The following MCM9 variants were observed in gnomAD, a reference collection of about 807,000 sequenced individuals.
MCM9 encodes the protein minichromosome maintenance 9 homologous recombination repair factor.
A neutral mutation model predicts 72.8 loss-of-function variants in MCM9; 55 were observed. The observed-to-expected ratio is 0.76, with a 90% CI of 0.61 to 0.95. MCM9 has a LOEUF of 0.95. Ranked by LOEUF, MCM9 falls within the 40% of genes least tolerant of loss-of-function variation. The pLI, the probability that MCM9 is intolerant of heterozygous loss-of-function variation, is 0.00. For synonymous variants in MCM9, 480 were observed against 503.4 expected (o/e 0.95, Z 0.62); for missense variants, 1,279 against 1,377.0 (o/e 0.93, Z 1.13).
intron 8 of MCM9, among the ~76,000 whole-genome samples, chr6:118,861,751 A>G (rs1776920888): frequency 6.6e-6 from 1 of 152,154 alleles, no homozygotes; most frequent in Admixed American, 6.5e-5. Context: ...GGACCTGGAA[A>G]AAGCACCATA....
chr6:118,837,596 T>G lies in MCM9; in HGVS notation c.1326-8346A>C, dbSNP rs556185076. On this transcript the variant is annotated intron_variant, in intron 9 of 13. Coordinates refer to ENST00000619706, the MANE Select transcript of MCM9 (RefSeq NM_017696.3). ...ATTCAGGATAGTTAGGTCTTCTTGT[T>G]GCATTGATCCCTTTACCATTATGTA... 1.6e-4 allele frequency among the ~76,000 whole-genome samples: 25 copies of G among 152,346 alleles called. No homozygotes were observed. The South Asian group carries it at 5.2e-3, about 32-fold the overall frequency.
At chr6:118,908,243 A>C (rs1349504622) in intron 8 of MCM9, 1 of 152,162 alleles carries the variant, frequency 6.6e-6, no homozygotes, top group Middle Eastern at 3.2e-3. Flanking sequence ...CTAATTGTTA[A>C]TAAGGTCCCC....
intron 8 of MCM9, among the ~76,000 whole-genome samples, chr6:118,858,683 T>C (rs1031834444): frequency 1.3e-5 from 2 of 152,162 alleles, no homozygotes; most frequent in East Asian, 3.9e-4. Context: ...AGTCAACATA[T>C]GGAATATCTG....
At chr6:118,856,575 T>C in intron 8 of MCM9, 30 bp from the exon 9 acceptor site, 1 of 1,534,378 alleles carries the variant, frequency 6.5e-7, no homozygotes, top group Admixed American at 2.0e-5. Context: ...ATATCAACTT[T>C]TATTTTCAAA....
chr6:118,902,574 G>T, intron 8 of MCM9, among the ~76,000 whole-genome samples: 1 of 121,298 alleles, frequency 8.2e-6, no homozygotes. Flanking sequence ...ACAAATAAAT[G>T]CCTTGTTATT....
At chr6:118,840,735 C>A (rs544711618) in intron 9 of MCM9, among the ~76,000 whole-genome samples, 3 of 100,904 alleles carry the variant, frequency 3.0e-5, no homozygotes, top group East Asian at 3.5e-4. Context: ...TCTCTCCTCC[C>A]CCCCCCCTTT....
intron 8 of MCM9, among the ~76,000 whole-genome samples, chr6:118,867,727 T>C (rs1296670622): frequency 6.6e-6 from 1 of 152,118 alleles, no homozygotes; most frequent in Non-Finnish European, 1.5e-5. Flanking sequence ...ATACACTCAA[T>C]GATGTTCATA....
chr6:118,832,991 A>T (rs1189885500), intron 9 of MCM9, among the ~76,000 whole-genome samples: 1 of 152,234 alleles, frequency 6.6e-6, no homozygotes, highest in Non-Finnish European at 1.5e-5. Flanking sequence ...TGAAGTAAAG[A>T]TAGAAGAACA....
At chr6:118,822,824 A>G (rs1216398588) in intron 13 of MCM9, among the ~76,000 whole-genome samples, 1 of 152,102 alleles carries the variant, frequency 6.6e-6, no homozygotes, top group Non-Finnish European at 1.5e-5. Context: ...AGTGAAGAGG[A>G]ATCTAGAGAA....
chr6:118,846,788 A>G (rs1250189623), intron 9 of MCM9, among the ~76,000 whole-genome samples: 1 of 151,898 alleles, frequency 6.6e-6, no homozygotes, highest in Admixed American at 6.5e-5. Context: ...AAAAATTAGT[A>G]TACCATCCAA....
chr6:118,871,330 A>G (rs1228111852), intron 8 of MCM9, among the ~76,000 whole-genome samples: 2 of 152,244 alleles, frequency 1.3e-5, no homozygotes, highest in African/African-American at 2.4e-5. Context: ...CACATATGCT[A>G]ATCAGTAAAT....
In MCM9 at chr6:118,826,164, C is replaced by T; in HGVS notation, c.1944G>A (p.Glu648=). The change falls in exon 13 of 14, where the codon GAG becomes GAA. Residue 648 remains glutamate (E), a synonymous_variant. Coordinates refer to ENST00000619706, the MANE Select transcript of MCM9 (RefSeq NM_017696.3). ...TTCCTCACCTTTCAAGTCTTCTAAG[C>T]TCTTCACTCAAGAGGCTCTGCAGCT... The part of the protein sequence containing the change: ...KLELQSLLSE[E]LRRLERLQNQ... 1.3e-6 allele frequency: 2 copies of T among 1,550,178 alleles called. No individual in the cohort carries two copies. Among genetic ancestry groups the T allele is most frequent in the Middle Eastern group, 1.7e-4 (1 of 5,984 alleles).
intron 8 of MCM9, among the ~76,000 whole-genome samples, chr6:118,898,792 T>C (rs1779610391): frequency 1.3e-5 from 2 of 152,222 alleles, no homozygotes; most frequent in Admixed American, 1.3e-4. Flanking sequence ...CTTAAAACAG[T>C]TTCTTCACTT....
At chr6:118,880,385 T>C (rs563651203) in intron 8 of MCM9, among the ~76,000 whole-genome samples, 42 of 152,330 alleles carry the variant, frequency 2.8e-4, no homozygotes, top group Non-Finnish European at 4.3e-4. Context: ...CAAAGTAGAA[T>C]GTCCACTTGT....
intron 8 of MCM9, among the ~76,000 whole-genome samples, chr6:118,890,752 T>A (rs970893790): frequency 6.6e-6 from 1 of 152,202 alleles, no homozygotes; most frequent in African/African-American, 2.4e-5. Flanking sequence ...TATTTAAAAC[T>A]ATCATTAAAT....
At chr6:118,891,616 C>A (rs1036933360) in intron 8 of MCM9, among the ~76,000 whole-genome samples, 10 of 152,124 alleles carry the variant, frequency 6.6e-5, no homozygotes, top group African/African-American at 1.9e-4. Flanking sequence ...AGGACGCCAG[C>A]TAGATTAGAT....
In MCM9 at chr6:118,922,086, C is replaced by T; in HGVS notation, c.622G>A (p.Val208Ile). Residue 208 changes from valine to isoleucine, a missense_variant and splice_region_variant, in exon 5 of 14, where the codon GTT (valine) becomes ATT (isoleucine). Transcript: ENST00000619706. ...DYQEIKIQEQ[V>I]QRLSVGSIPR... ...ATACTTCCAACAGATAGCCTTTGAACCTAGCAAAGAAAAGAAAACAGATTC... is the reference window on the plus strand; with the variant it reads ...ATACTTCCAACAGATAGCCTTTGAATCTAGCAAAGAAAAGAAAACAGATTC... 6.2e-7 allele frequency: 1 copy of T among 1,606,324 alleles called. No individual in the cohort carries two copies. The highest frequency in any genetic ancestry group is 8.5e-7 in the Non-Finnish European group (1 of 1,177,118).
chr6:118,826,752 A>G (rs1774194659), intron 12 of MCM9, 30 bp downstream of exon 12: 2 of 1,485,720 alleles, frequency 1.3e-6, no homozygotes, highest in Non-Finnish European at 1.8e-6. Flanking sequence ...TGTAATTAGG[A>G]TAAAAATTAG....
chr6:118,905,625 G>GTT (rs1562432340), intron 8 of MCM9: 8 of 1,566,754 alleles, frequency 5.1e-6, no homozygotes, highest in Non-Finnish European at 6.9e-6. Flanking sequence ...GTGTGTGTGT[G>GTT]TTTCTTTTCT....
Sources: allele counts gnomAD v4.1 joint callset (sites outside exome capture counted in the v4.1 genomes callset), GRCh38; gene constraint gnomAD v4.1.1; transcripts MANE v1.5; gene names NCBI Gene and HGNC (gene_info 2026-07-23, HGNC 2026-07-21).